Variants in CDK17 observed in about 807,000 individuals in gnomAD.
CDK17 encodes the protein cyclin-dependent kinase 17.
A neutral mutation model predicts 77.6 loss-of-function variants in CDK17; 24 were observed. The observed-to-expected ratio is 0.31, with a 90% confidence interval of 0.22 to 0.44. The LOEUF is 0.44. CDK17 is among the 20% of genes least tolerant of loss of function. The pLI, the probability that CDK17 is intolerant of heterozygous loss-of-function variation, is 1.00. For synonymous variants in CDK17, 203 were observed against 210.4 expected (o/e 0.96, Z 0.30); for missense variants, 429 against 622.5 (o/e 0.69, Z 3.31).
At chr12:96,291,122 CAAA>C (rs34053593) in intron 10 of CDK17, among the ~76,000 whole-genome samples, 168 of 131,672 alleles carry the variant, frequency 1.3e-3, no homozygotes, top group Non-Finnish European at 1.4e-3. Context: ...ACTATGCAAC[CAAA>C]AAAAAAAAAA....
chr12:96,293,411 T>C (rs1046591400), intron 10 of CDK17, among the ~76,000 whole-genome samples: 1 of 152,188 alleles, frequency 6.6e-6, no homozygotes, highest in African/African-American at 2.4e-5. Context: ...ATATGTTGCT[T>C]TGATACATAT....
chr12:96,285,801 A>T, intron 13 of CDK17: 18 of 240,808 alleles, frequency 7.5e-5, no homozygotes. Context: ...GCAAAACAGG[A>T]ATTTCATCAT....
At chr12:96,286,796 C>T in intron 11 of CDK17, 35 bp from the exon 12 acceptor site, 1 of 1,502,558 alleles carries the variant, frequency 6.7e-7, no homozygotes, top group African/African-American at 1.4e-5. Context: ...TTTAGCAATT[C>T]ATTTACATAT....
intron 14 of CDK17, 64 bp from the exon 15 acceptor site, chr12:96,282,663 G>A: frequency 3.1e-6 from 3 of 980,118 alleles, no homozygotes; most frequent in Non-Finnish European, 4.9e-6. Flanking sequence ...AGTAGGAGAT[G>A]GGCAAATTAG....
intron 10 of CDK17, among the ~76,000 whole-genome samples, chr12:96,292,628 C>T (rs1377188407): frequency 6.6e-6 from 1 of 151,922 alleles, no homozygotes; most frequent in Non-Finnish European, 1.5e-5. Context: ...AAAAAACTAC[C>T]ATAATCATTT....
chr12:96,373,340 C>G (rs888254822), intron 1 of CDK17, among the ~76,000 whole-genome samples: 3 of 152,114 alleles, frequency 2.0e-5, no homozygotes, highest in African/African-American at 7.2e-5. Context: ...TGCCTGTAAT[C>G]CCAGCACTTT....
At chr12:96,378,381 T>G (rs767935905) in intron 1 of CDK17, among the ~76,000 whole-genome samples, 12 of 152,258 alleles carry the variant, frequency 7.9e-5, no homozygotes, top group Non-Finnish European at 1.3e-4. Context: ...CCCTTTGACA[T>G]AACTCATTCG....
chr12:96,321,973 TCA>T (rs1952823528), intron 3 of CDK17, among the ~76,000 whole-genome samples: 1 of 151,452 alleles, frequency 6.6e-6, no homozygotes, highest in Admixed American at 6.6e-5. Context: ...AAAAAAAAAT[TCA>T]CACTTAAAAA....
intron 3 of CDK17, 44 bp downstream of exon 3, chr12:96,323,904 G>C: frequency 2.1e-6 from 3 of 1,410,372 alleles, no homozygotes; most frequent in Non-Finnish European, 1.9e-6. Context: ...TGTGCATGAC[G>C]TATAATCAGA....
chr12:96,378,341 G>T (rs983656556), intron 1 of CDK17, among the ~76,000 whole-genome samples: 3 of 152,044 alleles, frequency 2.0e-5, no homozygotes, highest in Admixed American at 2.0e-4. Flanking sequence ...TCCAGTATTG[G>T]CTACTGGGAA....
chr12:96,347,599 A>C (rs2137165226), intron 1 of CDK17, among the ~76,000 whole-genome samples: 1 of 21,482 alleles, frequency 4.7e-5, no homozygotes, highest in Admixed American at 7.3e-4. Flanking sequence ...AGGGGAAGGG[A>C]GGGGAAGGGA....
intron 1 of CDK17, among the ~76,000 whole-genome samples, chr12:96,392,860 A>G (rs919349076): frequency 3.3e-5 from 5 of 152,226 alleles, no homozygotes; most frequent in Non-Finnish European, 7.3e-5. Context: ...ACCTGGAAAG[A>G]AGGCTGTGGA....
At chr12:96,360,095 T>C (rs1592752516) in intron 1 of CDK17, among the ~76,000 whole-genome samples, 1 of 152,104 alleles carries the variant, frequency 6.6e-6, no homozygotes, top group African/African-American at 2.4e-5. Context: ...GATCTGGAAG[T>C]GGGATTTATA....
At chr12:96,337,265 A>T (rs373730102) in intron 1 of CDK17, among the ~76,000 whole-genome samples, 1 of 151,410 alleles carries the variant, frequency 6.6e-6, no homozygotes, top group East Asian at 1.9e-4. Flanking sequence ...CAACTTCCTC[A>T]GTCGTTTTTT....
At position 96,329,007 on chromosome 12, in the gene CDK17, C is replaced by G. The variant is rs1952931316; in HGVS notation, c.119-4895G>C. 2.6e-5 allele frequency among the ~76,000 whole-genome samples: 4 copies of G among 152,258 alleles called. No individual in the cohort carries two copies. The South Asian group carries it at 8.3e-4, about 32-fold the overall frequency. The stretch of plus-strand genomic sequence containing the variant: ...TCTGTATTTTAAAAAGTAATGGAAA[C>G]CTTGGCGACAATATGCTAAGGGAAA... On this transcript the variant is annotated intron_variant, in intron 2 of 16. Coordinates refer to ENST00000261211, the MANE Select transcript of CDK17 (RefSeq NM_002595.5).
At chr12:96,288,223 G>C (rs1952271605) in intron 11 of CDK17, among the ~76,000 whole-genome samples, 1 of 152,038 alleles carries the variant, frequency 6.6e-6, no homozygotes, top group Admixed American at 6.6e-5. Context: ...ATTTTAAAAA[G>C]TTATACGAGA....
intron 3 of CDK17, 68 bp from the exon 4 acceptor site, chr12:96,313,522 G>A: frequency 4.4e-6 from 4 of 900,808 alleles, no homozygotes; most frequent in South Asian, 2.9e-5. Context: ...TATCACTATG[G>A]GTAAAATATA....
At chr12:96,341,611 T>A (rs1953123865) in intron 1 of CDK17, among the ~76,000 whole-genome samples, 1 of 152,212 alleles carries the variant, frequency 6.6e-6, no homozygotes, top group Non-Finnish European at 1.5e-5. Context: ...GATTATCTGC[T>A]ATACAATTAA....
chr12:96,382,532 C>A (rs968683466), intron 1 of CDK17, among the ~76,000 whole-genome samples: 1 of 151,936 alleles, frequency 6.6e-6, no homozygotes, highest in Middle Eastern at 3.2e-3. Context: ...CAGCCTGATA[C>A]CAAAATCTGG....
Sources: allele counts gnomAD v4.1 joint callset (sites outside exome capture counted in the v4.1 genomes callset), GRCh38; gene constraint gnomAD v4.1.1; transcripts MANE v1.5; gene names NCBI Gene and HGNC (gene_info 2026-07-23, HGNC 2026-07-21).